The following CDH17 variants were observed in gnomAD, a reference collection of about 807,000 sequenced individuals.
The protein encoded by CDH17 is cadherin 17, also known as cadherin-17.
Under a neutral mutation model 86.3 loss-of-function variants are expected in CDH17, and 67 were observed. The ratio of observed to expected loss-of-function variants is 0.78; its 90% CI spans 0.64 to 0.95. CDH17 has a LOEUF of 0.95. Among genes scored for constraint, CDH17 ranks in the 40% least tolerant of loss-of-function variants. The pLI, the probability that CDH17 is intolerant of heterozygous loss-of-function variation, is 0.00. For synonymous variants in CDH17, 367 were observed against 366.4 expected (o/e 1.00, Z -0.02); for missense variants, 993 against 1,017.6 (o/e 0.98, Z 0.33).
intron 3 of CDH17, 124 bp from the exon 4 acceptor site, chr8:94,177,845 C>T (rs1813405086): frequency 1.2e-5 from 10 of 864,128 alleles, no homozygotes; most frequent in African/African-American, 1.7e-5. Context: ...AAATCCTCAA[C>T]TTTTAAAGTG....
chr8:94,166,092 G>A (rs1294378401), intron 9 of CDH17, 116 bp from the exon 10 acceptor site: 1 of 662,736 alleles, frequency 1.5e-6, no homozygotes, highest in East Asian at 2.7e-5. Flanking sequence ...TTGAATAGCA[G>A]ACAAATGCTC....
At chr8:94,184,026 A>G (rs1040127766) in intron 3 of CDH17, among the ~76,000 whole-genome samples, 1 of 151,508 alleles carries the variant, frequency 6.6e-6, no homozygotes, top group Admixed American at 6.6e-5. Flanking sequence ...CACAACCACT[A>G]GGATAGCTAT....
chr8:94,194,576 A>G lies in CDH17; in HGVS notation c.51+59T>C, dbSNP rs149143449. 9 of 1,138,414 alleles carry G rather than the reference A, an allele frequency of 7.9e-6. No homozygotes were observed. The East Asian group carries it at 1.6e-4, about 21-fold the overall frequency. 70.5% of individuals were successfully genotyped at this position (1,138,414 alleles called of 1,614,324 possible). On this transcript the variant is annotated intron_variant, in intron 2 of 17. Coordinates refer to ENST00000027335, the MANE Select transcript of CDH17 (RefSeq NM_004063.4). ...AGCCATTCTTTCCCTGGTGTGGGGT[A>G]GAAAGATAGCAGAAAATATTCTAGT...
chr8:94,194,574 G>T, intron 2 of CDH17, 61 bp downstream of exon 2: 1 of 1,126,892 alleles, frequency 8.9e-7, no homozygotes, highest in Non-Finnish European at 1.3e-6. Context: ...CTGGTGTGGG[G>T]TAGAAAGATA....
At chr8:94,176,275 G>A (rs1813369324) in intron 5 of CDH17, among the ~76,000 whole-genome samples, 1 of 152,060 alleles carries the variant, frequency 6.6e-6, no homozygotes, top group Non-Finnish European at 1.5e-5. Context: ...AGAGGTCAGG[G>A]GGATGCTGCC....
At position 94,165,753 on chromosome 8, in the gene CDH17, A is replaced by G. The variant is rs569671697; in HGVS notation, c.1282+8T>C. The G allele has an allele frequency of 2.8e-5, 45 of 1,581,982 alleles. 1 individual carries two copies. In the South Asian group the frequency reaches 4.8e-4, roughly 17 times the overall value. Reference sequence around the variant, plus strand: ...ATTTGCACTCAAGACGGTGGATATGATACTAACCTTTGTCAGACACCTCTA... The same window carrying G: ...ATTTGCACTCAAGACGGTGGATATGGTACTAACCTTTGTCAGACACCTCTA... On this transcript the variant is annotated splice_region_variant and intron_variant, in intron 10 of 17. Coordinates refer to ENST00000027335, the MANE Select transcript of CDH17 (RefSeq NM_004063.4).
chr8:94,198,904 C>T (rs994614040), intron 1 of CDH17, among the ~76,000 whole-genome samples: 4 of 151,798 alleles, frequency 2.6e-5, no homozygotes, highest in Non-Finnish European at 5.9e-5. Flanking sequence ...TCCCAGATAC[C>T]GTGCCAAGAA....
At chr8:94,143,891 T>C (rs139939563) in intron 15 of CDH17, among the ~76,000 whole-genome samples, 67 of 152,352 alleles carry the variant, frequency 4.4e-4, no homozygotes, top group African/African-American at 1.5e-3. Flanking sequence ...TCTCCCTTAA[T>C]GGCAATAAGG....
intron 5 of CDH17, among the ~76,000 whole-genome samples, chr8:94,176,238 A>G (rs1813368386): frequency 6.6e-6 from 1 of 152,138 alleles, no homozygotes. Context: ...TTATTGCCAC[A>G]ACTTGGCAGG....
At chr8:94,188,459 G>C (rs1008466545) in intron 3 of CDH17, among the ~76,000 whole-genome samples, 1 of 152,120 alleles carries the variant, frequency 6.6e-6, no homozygotes, top group Non-Finnish European at 1.5e-5. Flanking sequence ...AGGGGACGGG[G>C]AGGGGTCACG....
At chr8:94,162,648 A>C (rs1293169855) in intron 10 of CDH17, among the ~76,000 whole-genome samples, 1 of 152,134 alleles carries the variant, frequency 6.6e-6, no homozygotes, top group Admixed American at 6.5e-5. Flanking sequence ...GCTCTCTTCT[A>C]TCTAAATAAG....
Position 94,128,070 on chromosome 8 carries a change from G to C in CDH17, c.*170C>G. ...ATCACACCACTGTACTCCAGCCTGG[G>C]CGACAGAGCAAGACTCCACCTCAAA... On this transcript the variant is annotated 3_prime_UTR_variant, in exon 18 of 18. Transcript: ENST00000027335. 1 of 571,240 alleles carries C rather than the reference G, an allele frequency of 1.8e-6. No homozygotes were observed. The allele number at this position is 571,240 out of a possible 1,614,324, so 35.4% of individuals were successfully genotyped here.
At chr8:94,198,790 A>G (rs1311834169) in intron 1 of CDH17, among the ~76,000 whole-genome samples, 1 of 152,160 alleles carries the variant, frequency 6.6e-6, no homozygotes, top group Non-Finnish European at 1.5e-5. Flanking sequence ...TATTTGCTTA[A>G]TGAGGTTGGA....
rs1348859491 is a variant in CDH17 at position 94,128,172 on chromosome 8, G to T, written c.*68C>A. The stretch of plus-strand genomic sequence containing the variant: ...AATTATAATGCACGTTAGATGAAAA[G>T]TAATAGGATGAGATGGTTGTTGCTG... On this transcript the variant is annotated 3_prime_UTR_variant, in exon 18 of 18. Coordinates refer to ENST00000027335, the MANE Select transcript of CDH17 (RefSeq NM_004063.4). 2 of 955,558 alleles carry T rather than the reference G, an allele frequency of 2.1e-6. No homozygotes were observed. Among genetic ancestry groups the T allele is most frequent in the East Asian group, 4.8e-5 (2 of 41,920 alleles). The allele number at this position is 955,558 out of a possible 1,614,324, so 59.2% of individuals were successfully genotyped here.
chr8:94,174,934 A>G (rs952602627), intron 5 of CDH17, among the ~76,000 whole-genome samples: 3 of 152,148 alleles, frequency 2.0e-5, no homozygotes, highest in African/African-American at 7.2e-5. Context: ...TGAATTAATA[A>G]TTTTTTAAAA....
intron 14 of CDH17, among the ~76,000 whole-genome samples, chr8:94,147,404 C>T (rs1201634472): frequency 6.6e-6 from 1 of 152,194 alleles, no homozygotes; most frequent in Non-Finnish European, 1.5e-5. Context: ...CTTAATCTTT[C>T]CACATGCAGG....
intron 15 of CDH17, among the ~76,000 whole-genome samples, chr8:94,140,307 G>GGGAGGC (rs1812613263): frequency 1.3e-5 from 2 of 150,426 alleles, no homozygotes; most frequent in Non-Finnish European, 3.0e-5. Flanking sequence ...GCTCATACGT[G>GGGAGGC]TAGTCCCAGC....
In CDH17 at chr8:94,189,282, T is replaced by C. The variant is rs1813640539; in HGVS notation, c.55A>G (p.Thr19Ala). ...AACTTCCCCTCTTGGCCATATCCAG[T>C]TGCCTGTTAAAAAAGAAAGAGAAAA... The part of the protein sequence containing the change: ...SLCLLMLYLA[T>A]GYGQEGKFSG... The change falls in exon 3 of 18, where the codon ACT becomes GCT. Residue 19 changes from threonine to alanine, a missense_variant. Coordinates refer to ENST00000027335, the MANE Select transcript of CDH17 (RefSeq NM_004063.4). 3 of 1,599,662 alleles carry C rather than the reference T, an allele frequency of 1.9e-6. No homozygotes were observed. Among genetic ancestry groups the C allele is most frequent in the Admixed American group, 1.8e-5 (1 of 55,028 alleles).
intron 14 of CDH17, 75 bp from the exon 15 acceptor site, chr8:94,146,242 TAAA>T: frequency 7.4e-7 from 1 of 1,353,476 alleles, no homozygotes; most frequent in South Asian, 2.1e-5. Flanking sequence ...TCCCTTTCTT[TAAA>T]ATTCAAGGAG....
Sources: gnomAD v4.1 joint callset for allele counts (sites outside exome capture counted in the v4.1 genomes callset) on GRCh38, gnomAD v4.1.1 for gene constraint, MANE v1.5 for transcripts, NCBI Gene and HGNC (gene_info 2026-07-23, HGNC 2026-07-21) for gene names.